NLRP2: variants seen among roughly 807,000 people sequenced by gnomAD.
NLRP2 encodes the protein NACHT, LRR and PYD domains-containing protein 2.
NLRP2 carries 107 observed loss-of-function variants against 97.2 expected under a neutral mutation model. The observed-to-expected ratio is 1.10, with a 90% CI of 0.94 to 1.29. The LOEUF (loss-of-function observed/expected upper bound fraction) is 1.29, where lower values mean the gene tolerates loss of function less well. Ranked by LOEUF, NLRP2 falls within the 50% of genes most tolerant of loss-of-function variation. The pLI is 0.00. For missense variants in NLRP2, 1,495 were observed against 1,330.3 expected, an observed-to-expected ratio of 1.12 and a Z score of -1.93; for synonymous variants, 663 against 551.5, an observed-to-expected ratio of 1.20 and a Z score of -2.83.
At chr19:54,999,396 C>T (rs2073056993) in intron 12 of NLRP2, among the ~76,000 whole-genome samples, 1 of 152,192 alleles carries the variant, frequency 6.6e-6, no homozygotes, top group African/African-American at 2.4e-5. Context: ...ACCCGCCTGC[C>T]TCAGCCTCCC....
chr19:54,967,152 C>T (rs897879627), intron 1 of NLRP2, among the ~76,000 whole-genome samples: 1 of 152,038 alleles, frequency 6.6e-6, no homozygotes, highest in African/African-American at 2.4e-5. Flanking sequence ...TAGGCAGGTG[C>T]CACCGCGCCC....
chr19:54,977,415 A>G (rs912629929), intron 3 of NLRP2, among the ~76,000 whole-genome samples: 4 of 150,936 alleles, frequency 2.7e-5, no homozygotes, highest in Non-Finnish European at 5.9e-5. Flanking sequence ...GAGCAAAACT[A>G]CATCTCAAAA....
chr19:54,982,031 A>T, intron 5 of NLRP2, 131 bp from the exon 6 acceptor site: 1 of 1,134,360 alleles, frequency 8.8e-7, no homozygotes, highest in Non-Finnish European at 1.3e-6. Flanking sequence ...GCCTGCCTCG[A>T]CCTCCCAAAG....
rs200868551 is a variant in NLRP2, at chr19:54,983,617, C to T, written c.1919C>T (p.Ser640Phe). 1 of 1,614,184 alleles carries T rather than the reference C, an allele frequency of 6.2e-7. No homozygotes were observed. The highest frequency in any genetic ancestry group is 8.5e-7 in the Non-Finnish European group (1 of 1,180,032). The change falls in exon 6 of 13, where the codon TCT becomes TTT. Residue 640 changes from serine to phenylalanine, a missense_variant. Transcript: ENST00000448584. ...LHLNAVDVVP[S>F]SFCVKHCRNL... ...TTAAATGCAGTAGACGTTGTGCCATCTTCATTCTGCGTCAAGCACTGTCGA... is the reference window on the plus strand; with the variant it reads ...TTAAATGCAGTAGACGTTGTGCCATTTTCATTCTGCGTCAAGCACTGTCGA...
intron 10 of NLRP2, chr19:54,993,467 C>CTGA (rs936305484): frequency 2.6e-5 from 4 of 152,544 alleles, no homozygotes; most frequent in Non-Finnish European, 5.8e-5. Flanking sequence ...TGAAATATCT[C>CTGA]TGATAATCTG....
chr19:54,981,510 C>CCA, intron 4 of NLRP2, 107 bp from the exon 5 acceptor site: 2 of 248,188 alleles, frequency 8.1e-6, no homozygotes, highest in South Asian at 3.5e-5. Context: ...TGATCCCGTG[C>CCA]CCCCCCTCCC....
chr19:54,986,361 T>C, intron 8 of NLRP2, 46 bp downstream of exon 8: 2 of 1,562,802 alleles, frequency 1.3e-6, no homozygotes, highest in South Asian at 1.1e-5. Flanking sequence ...AAACATAAGC[T>C]ACCACAAGCT....
At chr19:54,981,509 G>GCCA in intron 4 of NLRP2, 108 bp from the exon 5 acceptor site, 10 of 386,504 alleles carry the variant, frequency 2.6e-5, no homozygotes, top group South Asian at 4.2e-5. Context: ...CTGATCCCGT[G>GCCA]CCCCCCCTCC....
chr19:54,981,834 C>G, intron 5 of NLRP2, 152 bp downstream of exon 5: 1 of 706,668 alleles, frequency 1.4e-6, no homozygotes, highest in Non-Finnish European at 2.5e-6. Context: ...GCTGGAGTGC[C>G]GTGGCGTGAT....
At position 54,991,744 on chromosome 19, in the gene NLRP2, C is replaced by T. The variant is rs150672768; in HGVS notation, c.2708+1072C>T. Reference sequence around the variant, plus strand: ...ATTAGCTAGGCGTGGTGGTATGGTCCTGTAATCCCAGCTACTTGGGAGGCT... The same window carrying T: ...ATTAGCTAGGCGTGGTGGTATGGTCTTGTAATCCCAGCTACTTGGGAGGCT... On this transcript the variant is annotated intron_variant, in intron 10 of 12. Coordinates refer to ENST00000448584, the MANE Select transcript of NLRP2 (RefSeq NM_017852.5). 1.9e-3 allele frequency among the ~76,000 whole-genome samples: 282 copies of T among 150,750 alleles called. 1 individual carries two copies. The highest frequency in any genetic ancestry group is 6.9e-3 in the Middle Eastern group (2 of 290).
In NLRP2 at chr19:54,982,232, T is replaced by C. The variant is rs748100195; in HGVS notation, c.534T>C (p.Asp178=). 6.2e-7 allele frequency: 1 copy of C among 1,613,992 alleles called. No homozygotes were observed. Among genetic ancestry groups the C allele is most frequent in the African/African-American group, 1.3e-5 (1 of 74,914 alleles). The change falls in exon 6 of 13, where the codon GAT becomes GAC. Residue 178 remains aspartate (D), a synonymous_variant. Transcript: ENST00000448584. ...AGATGTGGAAGAGCTGGCCTGGAGATAGCAAAGAGGTCCAGGTTATGGCTG... is the reference window on the plus strand; with the variant it reads ...AGATGTGGAAGAGCTGGCCTGGAGACAGCAAAGAGGTCCAGGTTATGGCTG... ...FREMWKSWPG[D]SKEVQVMAER... is the part of the protein sequence containing the mutation.
At chr19:54,986,025 A>G (rs2072050372) in intron 7 of NLRP2, 126 bp from the exon 8 acceptor site, 1 of 744,176 alleles carries the variant, frequency 1.3e-6, no homozygotes, top group African/African-American at 1.8e-5. Flanking sequence ...ATCTGTAAAG[A>G]TGGACAAAAA....
intron 10 of NLRP2, among the ~76,000 whole-genome samples, chr19:54,992,550 G>GTT (rs2072549769): frequency 4.3e-5 from 2 of 47,006 alleles, no homozygotes; most frequent in East Asian, 6.7e-4. Context: ...GGGGGGGGGG[G>GTT]GTTTTCTTTT....
chr19:54,970,389 G>A (rs1038698309), intron 2 of NLRP2, 94 bp downstream of exon 2: 10 of 1,466,344 alleles, frequency 6.8e-6, no homozygotes, highest in East Asian at 4.5e-5. Context: ...GCTGGCTCAC[G>A]CCTGTCGTCC....
chr19:54,975,047 C>T (rs2071109853), intron 3 of NLRP2, among the ~76,000 whole-genome samples: 1 of 149,900 alleles, frequency 6.7e-6, no homozygotes, highest in African/African-American at 2.4e-5. Flanking sequence ...GTGATCTGCC[C>T]ACCTCAGCGT....
intron 11 of NLRP2, among the ~76,000 whole-genome samples, chr19:54,996,037 C>CAAAAAAAAACAAAAAAA (rs2072790724): frequency 1.4e-5 from 1 of 73,338 alleles, no homozygotes; most frequent in African/African-American, 5.5e-5. Context: ...GATCCTGTCT[C>CAAAAAAAAACAAAAAAA]AAAAAAAAAA....
At chr19:54,984,226 C>T (rs909807533) in intron 6 of NLRP2, among the ~76,000 whole-genome samples, 17 of 151,428 alleles carry the variant, frequency 1.1e-4, no homozygotes, top group African/African-American at 3.6e-4. Flanking sequence ...CTCACTGCAT[C>T]CTCAAACTTC....
At position 54,970,312 on chromosome 19, in the gene NLRP2, C is replaced by A. The variant is rs1198237421; in HGVS notation, c.280+17C>A. ...AAGTCAGAGGTGAGTGGAAATCGGTCCACACTGTGTCCTAGGAGGAAGCAG... is the reference window on the plus strand; with the variant it reads ...AAGTCAGAGGTGAGTGGAAATCGGTACACACTGTGTCCTAGGAGGAAGCAG... On this transcript the variant is annotated intron_variant, in intron 2 of 12. Coordinates refer to ENST00000448584, the MANE Select transcript of NLRP2 (RefSeq NM_017852.5). The A allele has an allele frequency of 6.2e-7, 1 of 1,613,868 alleles. No individual in the cohort carries two copies. The highest frequency in any genetic ancestry group is 8.5e-7 in the Non-Finnish European group (1 of 1,179,826).
In NLRP2 at chr19:54,970,125, A is replaced by T; in HGVS notation, c.110A>T (p.His37Leu). The change falls in exon 2 of 13, where the codon CAC (histidine) becomes CTC (leucine). Residue 37 changes from histidine to leucine, a missense_variant. Physicochemically the swap from His to Leu is moderately conservative, Grantham distance 99. Transcript: ENST00000448584. ...KYLITTFSLA[H>L]ELQKIPHKEV... Reference sequence around the variant, plus strand: ...CTGATCACGACCTTCTCCCTGGCACACGAGCTCCAGAAGATCCCCCACAAG... The same window carrying T: ...CTGATCACGACCTTCTCCCTGGCACTCGAGCTCCAGAAGATCCCCCACAAG... 1 of 1,614,142 alleles carries T rather than the reference A, an allele frequency of 6.2e-7. No homozygotes were observed. The highest frequency in any genetic ancestry group is 8.5e-7 in the Non-Finnish European group (1 of 1,180,040).
Sources: gnomAD v4.1 joint callset for allele counts (sites outside exome capture counted in the v4.1 genomes callset) on GRCh38, gnomAD v4.1.1 for gene constraint, MANE v1.5 for transcripts, NCBI Gene and HGNC (gene_info 2026-07-23, HGNC 2026-07-21) for gene names.